Variants in PITPNC1 observed in about 807,000 individuals in gnomAD.
PITPNC1 encodes the protein cytoplasmic phosphatidylinositol transfer protein 1.
PITPNC1 carries 18 observed loss-of-function variants against 44.7 expected under a neutral mutation model. The ratio of observed to expected loss-of-function variants is 0.40; its 90% CI spans 0.28 to 0.60. The LOEUF (loss-of-function observed/expected upper bound fraction) is 0.60, where lower values mean the gene tolerates loss of function less well. Ranked by LOEUF, PITPNC1 falls within the 20% of genes least tolerant of loss-of-function variation. The pLI is 0.39. For synonymous variants in PITPNC1, 141 were observed against 149.6 expected (o/e 0.94, Z 0.42); for missense variants, 290 against 418.4 (o/e 0.69, Z 2.68).
intron 1 of PITPNC1, among the ~76,000 whole-genome samples, chr17:67,464,196 T>TA (rs75020823): frequency 4.8e-4 from 62 of 129,342 alleles, no homozygotes; most frequent in South Asian, 1.2e-3. Context: ...CCATCTCAAT[T>TA]AAAAAAAAAA....
At chr17:67,663,441 G>T (rs2042377188) in intron 6 of PITPNC1, among the ~76,000 whole-genome samples, 1 of 151,988 alleles carries the variant, frequency 6.6e-6, no homozygotes, top group Non-Finnish European at 1.5e-5. Flanking sequence ...ATGGTGGCAG[G>T]TGCCTGTAAT....
intron 5 of PITPNC1, among the ~76,000 whole-genome samples, chr17:67,618,173 G>C (rs2041784330): frequency 6.6e-6 from 1 of 152,006 alleles, no homozygotes; most frequent in Non-Finnish European, 1.5e-5. Flanking sequence ...AGACCAGCCT[G>C]GCCAGCATGG....
chr17:67,642,425 A>G (rs1277560854), intron 6 of PITPNC1, among the ~76,000 whole-genome samples: 2 of 152,064 alleles, frequency 1.3e-5, no homozygotes, highest in African/African-American at 4.8e-5. Context: ...AAATCCATCA[A>G]CCTACATCCT....
chr17:67,523,581 G>T (rs1269554613), intron 1 of PITPNC1, among the ~76,000 whole-genome samples: 1 of 151,758 alleles, frequency 6.6e-6, no homozygotes, highest in African/African-American at 2.4e-5. Flanking sequence ...GTGGCTCAGA[G>T]AAGTAAATCG....
chr17:67,408,291 C>CATTTTAAAATTTGATAA (rs1199458415), intron 1 of PITPNC1, among the ~76,000 whole-genome samples: 10 of 152,014 alleles, frequency 6.6e-5, no homozygotes, highest in Admixed American at 2.6e-4. Flanking sequence ...AAGTTCAGGC[C>CATTTTAAAATTTGATAA]AGGCATGGTG....
chr17:67,413,473 GGCTTCTC>G (rs2038539413), intron 1 of PITPNC1, among the ~76,000 whole-genome samples: 1 of 122,664 alleles, frequency 8.2e-6, no homozygotes, highest in South Asian at 2.6e-4. Flanking sequence ...GAGAGAATGG[GGCTTCTC>G]GCTATGCTCA....
chr17:67,577,281 ACT>A (rs968764379), intron 4 of PITPNC1, among the ~76,000 whole-genome samples: 19 of 151,588 alleles, frequency 1.3e-4, no homozygotes, highest in African/African-American at 3.9e-4. Context: ...ACAAAGTAAG[ACT>A]CTGTCTCAAA....
At chr17:67,502,283 A>G (rs1344716889) in intron 1 of PITPNC1, among the ~76,000 whole-genome samples, 1 of 135,920 alleles carries the variant, frequency 7.4e-6, no homozygotes, top group Non-Finnish European at 1.7e-5. Flanking sequence ...ATTTACTTGT[A>G]CTTTTTTTTT....
At position 67,501,811 on chromosome 17, in the gene PITPNC1, C is replaced by A. The variant is rs558304754; in HGVS notation, c.49-30991C>A. ...CTGTGCCATTGCACTCCAGCCTGGG[C>A]AACAAGAGCAAAACTCTGTCTCAAA... On this transcript the variant is annotated intron_variant, in intron 1 of 8. Coordinates refer to ENST00000581322, the MANE Select transcript of PITPNC1 (RefSeq NM_012417.4). Among the ~76,000 whole-genome samples the A allele has an allele frequency of 4.7e-5, 7 of 149,382 alleles. No homozygotes were observed. The South Asian group carries it at 1.3e-3, about 27-fold the overall frequency.
intron 3 of PITPNC1, among the ~76,000 whole-genome samples, chr17:67,552,766 C>T (rs2040784599): frequency 6.7e-6 from 1 of 149,358 alleles, no homozygotes; most frequent in Non-Finnish European, 1.5e-5. Context: ...CAAGATTGTG[C>T]CACTGCACGC....
At chr17:67,592,904 G>A (rs1327486385) in intron 5 of PITPNC1, among the ~76,000 whole-genome samples, 1 of 152,196 alleles carries the variant, frequency 6.6e-6, no homozygotes, top group African/African-American at 2.4e-5. Flanking sequence ...CAGGCATGGT[G>A]ATGTAGGCCT....
In PITPNC1 at chr17:67,522,668, T is replaced by TTTC. The variant is rs1485998399; in HGVS notation, c.49-10132_49-10131insCTT. Among the ~76,000 whole-genome samples, 15 of 146,476 alleles carry TTTC rather than the reference T, an allele frequency of 1.0e-4. 1 individual carries two copies. Among genetic ancestry groups the TTTC allele is most frequent in the African/African-American group, 3.2e-4 (12 of 37,584 alleles). On this transcript the variant is annotated intron_variant, in intron 1 of 8. Coordinates refer to ENST00000581322, the MANE Select transcript of PITPNC1 (RefSeq NM_012417.4). The stretch of plus-strand genomic sequence containing the variant: ...AATTTACCATTTTAATCTTTTTTTT[T>TTTC]TTTTTGGAAAATGAGGTCTCACTTG...
chr17:67,513,070 A>AT (rs1214543368), intron 1 of PITPNC1, among the ~76,000 whole-genome samples: 2 of 152,126 alleles, frequency 1.3e-5, no homozygotes, highest in African/African-American at 4.8e-5. Context: ...AATTATTAAA[A>AT]ATATATAGTA....
At position 67,448,299 on chromosome 17, in the gene PITPNC1, G is replaced by A. The variant is rs538613085; in HGVS notation, c.48+70097G>A. On this transcript the variant is annotated intron_variant, in intron 1 of 8. Transcript: ENST00000581322. ...TAAATGATTTTGGGGGCTTAATTTA[G>A]GTGTTTTCATTTGCTTTTGGTCACA... is the stretch of plus-strand genomic sequence containing the variant. 3.9e-5 allele frequency among the ~76,000 whole-genome samples: 6 copies of A among 152,024 alleles called. No homozygotes were observed. In the South Asian group the frequency reaches 1.2e-3, roughly 32 times the overall value.
intron 1 of PITPNC1, among the ~76,000 whole-genome samples, chr17:67,530,085 C>CTTTTT (rs796278390): frequency 6.5e-4 from 46 of 71,234 alleles, no homozygotes; most frequent in Admixed American, 1.0e-3. Flanking sequence ...CAACCCTTGG[C>CTTTTT]TTTTTTTTTT....
intron 1 of PITPNC1, among the ~76,000 whole-genome samples, chr17:67,432,634 C>T (rs939590106): frequency 3.9e-5 from 6 of 152,158 alleles, no homozygotes; most frequent in Admixed American, 1.3e-4. Context: ...CCAAAAAGTC[C>T]TCTTATTCAA....
chr17:67,615,838 C>T (rs932125597), intron 5 of PITPNC1, among the ~76,000 whole-genome samples: 43 of 152,196 alleles, frequency 2.8e-4, no homozygotes, highest in African/African-American at 8.4e-4. Flanking sequence ...TCGGGGAAAC[C>T]GTTCTGCGTC....
At chr17:67,672,102 T>A (rs1476607076) in intron 7 of PITPNC1, among the ~76,000 whole-genome samples, 1 of 151,922 alleles carries the variant, frequency 6.6e-6, no homozygotes, top group Non-Finnish European at 1.5e-5. Context: ...CCAGGCTAAC[T>A]TTTGTATTAT....
Position 67,425,256 on chromosome 17 carries a change from CACACACAG to C in PITPNC1, c.48+47056_48+47063del, listed in dbSNP as rs1415225200. On this transcript the variant is annotated intron_variant, in intron 1 of 8. Transcript: ENST00000581322. ...ACACACACACACACACACACACACA[CACACACAG>C]AGGGAGAGAGAGAGAGAAATGACCT... 9.7e-3 allele frequency among the ~76,000 whole-genome samples: 1,169 copies of C among 120,680 alleles called. 28 individuals are homozygous for C. Among genetic ancestry groups the C allele is most frequent in the Middle Eastern group, 0.048 (10 of 210 alleles). The allele number at this position is 120,680 out of a possible 152,430, so 79.2% of individuals were successfully genotyped here. A position where few individuals can be genotyped will look rare whatever the true frequency, so the allele number is the denominator to read the frequency against.
Sources: gnomAD v4.1 joint callset for allele counts (sites outside exome capture counted in the v4.1 genomes callset) on GRCh38, gnomAD v4.1.1 for gene constraint, MANE v1.5 for transcripts, NCBI Gene and HGNC (gene_info 2026-07-23, HGNC 2026-07-21) for gene names.